The following ABCC8 variants were observed in gnomAD, a reference collection of about 807,000 sequenced individuals.
ABCC8 encodes the protein ATP-binding cassette sub-family C member 8.
In ABCC8, 137 loss-of-function variants were observed where a neutral mutation model predicts 188.0. That is an observed-to-expected ratio of 0.73 (90% confidence interval 0.63 to 0.84). The LOEUF is 0.84. Ranked by LOEUF, ABCC8 falls within the 40% of genes least tolerant of loss-of-function variation. The pLI is 0.00. For missense variants in ABCC8, 1,750 were observed against 2,072.7 expected (o/e 0.84, Z 3.02); for synonymous variants, 797 against 846.5 (o/e 0.94, Z 1.01).
At chr11:17,442,692 C>T in intron 10 of ABCC8, 28 bp downstream of exon 10, 8 of 1,610,552 alleles carry the variant, frequency 5.0e-6, no homozygotes, top group Non-Finnish European at 6.8e-6. Context: ...CAGCAGCACC[C>T]AGGGCTGGCT....
intron 4 of ABCC8, among the ~76,000 whole-genome samples, chr11:17,462,312 T>TG (rs1564978633): frequency 6.6e-6 from 1 of 152,152 alleles, no homozygotes; most frequent in Non-Finnish European, 1.5e-5. Flanking sequence ...GGTCACTGGA[T>TG]GGGGGGACAC....
chr11:17,444,033 G>GAGAGAA (rs1175086301), intron 8 of ABCC8, among the ~76,000 whole-genome samples: 7 of 152,208 alleles, frequency 4.6e-5, no homozygotes, highest in Non-Finnish European at 1.0e-4. Context: ...GAGAGAGAGA[G>GAGAGAA]AGAGAAAGGA....
At chr11:17,411,891 CTTT>C (rs1262103548) in intron 21 of ABCC8, among the ~76,000 whole-genome samples, 12 of 122,944 alleles carry the variant, frequency 9.8e-5, no homozygotes, top group African/African-American at 2.5e-4. Context: ...CGAATACGTT[CTTT>C]TTTTTTTTTT....
In ABCC8 at chr11:17,442,839, C is replaced by G; in HGVS notation, c.1511G>C (p.Arg504Pro). Residue 504 changes from arginine (R) to proline (P), a missense_variant, in exon 10 of 39, where the codon CGC becomes CCC. Coordinates refer to ENST00000389817, the MANE Select transcript of ABCC8 (RefSeq NM_000352.6). ...ERLKQTNEML[R>P]GIKLLKLYAW... ...GTACAGCTTCAGCAGCTTGATGCCG[C>G]GGAGCATCTCGTTGGTCTGCTTCAG... 1 of 1,614,072 alleles carries G rather than the reference C, an allele frequency of 6.2e-7. No homozygotes were observed. Among genetic ancestry groups the G allele is most frequent in the South Asian group, 1.1e-5 (1 of 91,070 alleles).
chr11:17,407,022 G>C lies in ABCC8; in HGVS notation c.3028C>G (p.Leu1010Val), dbSNP rs2133447721. The C allele has an allele frequency of 6.2e-7, 1 of 1,614,210 alleles. No homozygotes were observed. The highest frequency in any genetic ancestry group is 2.2e-5 in the East Asian group (1 of 44,876). Residue 1010 changes from leucine (L) to valine (V), a missense_variant, in exon 25 of 39, where the codon CTG (leucine) becomes GTG (valine). Physicochemically the swap from Leu to Val is conservative, Grantham distance 32. Coordinates refer to ENST00000389817, the MANE Select transcript of ABCC8 (RefSeq NM_000352.6). ...CAKYLSSAGI[L>V]LLSLLVFSQL... ...GAGAAGACCAGCAACGACAGGAGCAGGATGCCGGCGGAGGACAGGTACTTG... is the reference window on the plus strand; with the variant it reads ...GAGAAGACCAGCAACGACAGGAGCACGATGCCGGCGGAGGACAGGTACTTG...
intron 7 of ABCC8, among the ~76,000 whole-genome samples, chr11:17,452,575 G>A (rs1956854256): frequency 6.6e-6 from 1 of 152,192 alleles, no homozygotes; most frequent in Admixed American, 6.5e-5. Context: ...TCTGACAGGA[G>A]GCAGAGCTCA....
At chr11:17,463,909 T>A (rs757795329) in intron 3 of ABCC8, among the ~76,000 whole-genome samples, 1 of 152,244 alleles carries the variant, frequency 6.6e-6, no homozygotes, top group Non-Finnish European at 1.5e-5. Context: ...TTAACTAAGT[T>A]ACAGGCACTG....
chr11:17,401,216 G>A (rs1264254887), intron 29 of ABCC8, among the ~76,000 whole-genome samples: 2 of 152,226 alleles, frequency 1.3e-5, no homozygotes, highest in South Asian at 2.1e-4. Flanking sequence ...CAGTAATGTC[G>A]AGGGACCTGG....
intron 36 of ABCC8, among the ~76,000 whole-genome samples, chr11:17,394,729 A>C (rs1591706811): frequency 6.6e-6 from 1 of 151,990 alleles, no homozygotes; most frequent in Non-Finnish European, 1.5e-5. Context: ...AGGCTTGGCC[A>C]CCCCCAATGC....
At position 17,427,220 on chromosome 11, in the gene ABCC8, A is replaced by G; in HGVS notation, c.2117-66T>C. On this transcript the variant is annotated intron_variant, in intron 15 of 38. Transcript: ENST00000389817. This position sits in a 1 kb window ranked among gnomAD's most constrained non-coding sequence, Gnocchi z 5.0. ...GAGTCTGAACAACCATTACCCAGAA[A>G]GACAGACAGACAGATGCACCCAACC... 1 of 1,480,606 alleles carries G rather than the reference A, an allele frequency of 6.8e-7. No individual in the cohort carries two copies. The highest frequency in any genetic ancestry group is 1.4e-5 in the African/African-American group (1 of 72,258). 91.7% of individuals were successfully genotyped at this position (1,480,606 alleles called of 1,614,324 possible).
At chr11:17,428,819 A>G in intron 12 of ABCC8, 149 bp from the exon 13 acceptor site, 1 of 1,422,290 alleles carries the variant, frequency 7.0e-7, no homozygotes, top group African/African-American at 1.4e-5. Flanking sequence ...ACCAGTGGGC[A>G]TGGGGGCAGG....
intron 26 of ABCC8, 119 bp from the exon 27 acceptor site, chr11:17,405,682 C>A (rs968058273): frequency 1.2e-5 from 18 of 1,561,220 alleles, no homozygotes; most frequent in Non-Finnish European, 1.5e-5. Flanking sequence ...GGTCTGGCAT[C>A]CTCTGCCAAT....
chr11:17,416,595 T>G (rs73423043), intron 17 of ABCC8, among the ~76,000 whole-genome samples: 1,613 of 152,240 alleles, frequency 0.011, 35 homozygotes, highest in African/African-American at 0.037. Context: ...CCATACACAT[T>G]GGCAGTCCCT....
At chr11:17,412,916 C>G (rs1041584441) in intron 20 of ABCC8, 170 bp from the exon 21 acceptor site, 2 of 1,407,608 alleles carry the variant, frequency 1.4e-6, no homozygotes, top group East Asian at 5.0e-5. Flanking sequence ...TGAATTCATT[C>G]AGAAGAGGGC....
chr11:17,451,588 C>A (rs1002328676), intron 7 of ABCC8, among the ~76,000 whole-genome samples: 26 of 152,228 alleles, frequency 1.7e-4, no homozygotes, highest in Non-Finnish European at 1.0e-4. Flanking sequence ...TTCTGCAGAG[C>A]TTCTTCTCCT....
At chr11:17,466,428 A>G (rs1480473956) in intron 3 of ABCC8, among the ~76,000 whole-genome samples, 1 of 150,602 alleles carries the variant, frequency 6.6e-6, no homozygotes. Flanking sequence ...AAGACAGTGC[A>G]TGATGCCGCT....
At chr11:17,410,812 C>A (rs1204460073) in intron 21 of ABCC8, 159 bp from the exon 22 acceptor site, 10 of 693,956 alleles carry the variant, frequency 1.4e-5, no homozygotes, top group African/African-American at 2.0e-5. Flanking sequence ...CCTCTCTGGG[C>A]CTTGGTTACC....
intron 2 of ABCC8, among the ~76,000 whole-genome samples, chr11:17,472,683 G>A (rs755268262): frequency 6.6e-6 from 1 of 152,212 alleles, no homozygotes. Context: ...GCCCTGGGGA[G>A]GAGATGGCCC....
At chr11:17,454,558 G>T (rs1196744786) in intron 6 of ABCC8, among the ~76,000 whole-genome samples, 1 of 152,160 alleles carries the variant, frequency 6.6e-6, no homozygotes, top group Non-Finnish European at 1.5e-5. Flanking sequence ...GCAGGGGTGG[G>T]CTGGAAGCAG....
Sources: allele counts gnomAD v4.1 joint callset (sites outside exome capture counted in the v4.1 genomes callset), GRCh38; gene constraint gnomAD v4.1.1; non-coding constraint Gnocchi (gnomAD v3.1); transcripts MANE v1.5; gene names NCBI Gene and HGNC (gene_info 2026-07-23, HGNC 2026-07-21).